GATAD2A: variants seen among roughly 807,000 people sequenced by gnomAD.
GATAD2A encodes GATA zinc finger domain containing 2A.
Under a neutral mutation model 68.5 loss-of-function variants are expected in GATAD2A, and 12 were observed. The observed-to-expected ratio is 0.18, with a 90% CI of 0.11 to 0.28. The LOEUF (loss-of-function observed/expected upper bound fraction) is 0.28. Ranked by LOEUF, GATAD2A falls within the 10% of genes least tolerant of loss-of-function variation. The pLI is 1.00. For synonymous variants in GATAD2A, 410 were observed against 375.3 expected (o/e 1.09, Z -1.07); for missense variants, 755 against 868.5 (o/e 0.87, Z 1.64).
chr19:19,498,415 G>A (rs187569302), intron 7 of GATAD2A, 28 bp from the exon 8 acceptor site: 597 of 1,589,486 alleles, frequency 3.8e-4, no homozygotes, highest in Non-Finnish European at 4.7e-4. Context: ...CGCACGGAGC[G>A]CCCTGACTGA....
At chr19:19,472,451 A>G (rs1021717240) in intron 2 of GATAD2A, 1 of 151,538 alleles carries the variant, frequency 6.6e-6, no homozygotes, top group African/African-American at 2.4e-5. Flanking sequence ...CTCCTGCCTC[A>G]GCCTCCTGAG....
intron 2 of GATAD2A, among the ~76,000 whole-genome samples, chr19:19,486,124 G>C (rs950160584): frequency 6.6e-6 from 1 of 152,208 alleles, no homozygotes; most frequent in Non-Finnish European, 1.5e-5. Context: ...GACCCAGTCT[G>C]CCCTTGGGGG....
rs28434154 is a variant in GATAD2A, at chr19:19,501,469, C to T, written c.1503+53C>T. On this transcript the variant is annotated intron_variant, in intron 9 of 11. Coordinates refer to ENST00000683918, the MANE Select transcript of GATAD2A (RefSeq NM_001384528.1). ...CGTCCCTAGGAGGCAGAGGCCGTTC[C>T]GCGATCCACCCCACGCCTGCGCTGC... 21,721 of 1,376,074 alleles carry T rather than the reference C, an allele frequency of 0.016. 2,550 individuals are homozygous for T. In the African/African-American group the frequency reaches 0.27, roughly 17 times the overall value. The allele number at this position is 1,376,074 out of a possible 1,614,324, so 85.2% of individuals were successfully genotyped here. A position where few individuals can be genotyped will look rare whatever the true frequency, so the allele number is the denominator to read the frequency against.
chr19:19,421,872 T>C (rs1270416315), intron 1 of GATAD2A, among the ~76,000 whole-genome samples: 2 of 151,458 alleles, frequency 1.3e-5, no homozygotes, highest in Non-Finnish European at 2.9e-5. Context: ...AGGCTGGGAG[T>C]GTGCAGTGGT....
chr19:19,403,096 G>C (rs181720813), upstream of GATAD2A, among the ~76,000 whole-genome samples: 332 of 150,970 alleles, frequency 2.2e-3, no homozygotes, highest in African/African-American at 8.0e-3. Flanking sequence ...GACTGTCTTT[G>C]TTTTCAGATC....
At chr19:19,400,492 T>C (rs1209906406) in intron 1 of GATAD2A, among the ~76,000 whole-genome samples, 1 of 152,178 alleles carries the variant, frequency 6.6e-6, no homozygotes, top group African/African-American at 2.4e-5. Context: ...CCACAAACTC[T>C]TGATCTAGTG....
At chr19:19,479,460 C>A (rs1442816109) in intron 2 of GATAD2A, among the ~76,000 whole-genome samples, 1 of 152,174 alleles carries the variant, frequency 6.6e-6, no homozygotes, top group East Asian at 1.9e-4. Flanking sequence ...TTTTCCCTTA[C>A]GTTATATTTA....
chr19:19,388,970 G>A (rs777358540), intron 1 of GATAD2A, among the ~76,000 whole-genome samples: 1 of 152,122 alleles, frequency 6.6e-6, no homozygotes, highest in African/African-American at 2.4e-5. Flanking sequence ...AACAGGGGAA[G>A]GGAGGCAAGG....
Position 19,442,185 on chromosome 19 carries a change from C to T in GATAD2A, c.-6-23155C>T, listed in dbSNP as rs117223334. Among the ~76,000 whole-genome samples the T allele has an allele frequency of 7.9e-5, 12 of 151,440 alleles. No individual in the cohort carries two copies. The East Asian group carries it at 2.4e-3, about 30-fold the overall frequency. Reference sequence around the variant, plus strand: ...AAGACCTGAAGTACTTTAAGTAAAACGCTTAATTCTCATTCTGCATTGGGA... The same window carrying T: ...AAGACCTGAAGTACTTTAAGTAAAATGCTTAATTCTCATTCTGCATTGGGA... On this transcript the variant is annotated intron_variant, in intron 1 of 11. Transcript: ENST00000683918.
In GATAD2A at chr19:19,461,099, C is replaced by T. The variant is rs114373026; in HGVS notation, c.-6-4241C>T. 7.6e-3 allele frequency among the ~76,000 whole-genome samples: 1,154 copies of T among 151,492 alleles called. 14 individuals are homozygous for T. Among genetic ancestry groups the T allele is most frequent in the African/African-American group, 0.025 (1,038 of 41,262 alleles). On this transcript the variant is annotated intron_variant, in intron 1 of 11. Transcript: ENST00000683918. ...GAGTCCCCAGCCCACAGTGGAGGCT[C>T]GGTGAGCTGCTGTCGGGTGAGGAGG...
chr19:19,487,283 G>A (rs914212101), intron 2 of GATAD2A, among the ~76,000 whole-genome samples: 4 of 152,224 alleles, frequency 2.6e-5, no homozygotes, highest in African/African-American at 7.2e-5. Context: ...GCCACAGAGT[G>A]GGGCCATAGG....
chr19:19,500,481 A>C (rs1238065720), intron 8 of GATAD2A, among the ~76,000 whole-genome samples: 2 of 151,590 alleles, frequency 1.3e-5, no homozygotes, highest in Non-Finnish European at 2.9e-5. Context: ...AAATACGCCC[A>C]GACCTCACGC....
At chr19:19,431,794 TGTG>T (rs1044643938) in intron 1 of GATAD2A, among the ~76,000 whole-genome samples, 15 of 151,750 alleles carry the variant, frequency 9.9e-5, no homozygotes, top group African/African-American at 3.1e-4. Context: ...CCCCTGCCCT[TGTG>T]GTGTGTACGT....
chr19:19,490,305 G>C (rs1398336881), intron 2 of GATAD2A, among the ~76,000 whole-genome samples: 2 of 152,152 alleles, frequency 1.3e-5, no homozygotes, highest in African/African-American at 2.4e-5. Context: ...GGCGAGTCCA[G>C]GGTAGCATTG....
intron 2 of GATAD2A, among the ~76,000 whole-genome samples, chr19:19,491,073 G>T (rs1428285071): frequency 6.6e-6 from 1 of 152,132 alleles, no homozygotes; most frequent in Non-Finnish European, 1.5e-5. Context: ...CATCCTAGAG[G>T]ATCGTTCACA....
intron 2 of GATAD2A, among the ~76,000 whole-genome samples, chr19:19,485,130 G>A (rs1568327025): frequency 6.6e-6 from 1 of 152,186 alleles, no homozygotes; most frequent in Non-Finnish European, 1.5e-5. Flanking sequence ...GGTGCTTTAA[G>A]GCTCAGTGGG....
At chr19:19,486,070 A>G (rs1179105589) in intron 2 of GATAD2A, among the ~76,000 whole-genome samples, 1 of 152,180 alleles carries the variant, frequency 6.6e-6, no homozygotes, top group Admixed American at 6.5e-5. Context: ...CATCAAGGCA[A>G]GAGGAGGAAG....
chr19:19,471,072 A>G (rs1359306662), intron 2 of GATAD2A, among the ~76,000 whole-genome samples: 1 of 152,112 alleles, frequency 6.6e-6, no homozygotes, highest in African/African-American at 2.4e-5. Flanking sequence ...CCTGGCCAAC[A>G]TGGTGAAACC....
At chr19:19,474,088 C>T in intron 2 of GATAD2A, 1 of 985,178 alleles carries the variant, frequency 1.0e-6, no homozygotes, top group Non-Finnish European at 1.2e-6. Flanking sequence ...TTGTTTTGTT[C>T]TGTGCCAAAA....
Sources: gnomAD v4.1 joint callset for allele counts (sites outside exome capture counted in the v4.1 genomes callset) on GRCh38, gnomAD v4.1.1 for gene constraint, MANE v1.5 for transcripts, NCBI Gene and HGNC (gene_info 2026-07-23, HGNC 2026-07-21) for gene names.